The following DLG2 variants were observed in gnomAD, a reference collection of about 807,000 sequenced individuals.
DLG2 encodes the protein disks large homolog 2.
Under a neutral mutation model 132.5 loss-of-function variants are expected in DLG2, and 45 were observed. That is an observed-to-expected ratio of 0.34 (90% CI 0.27 to 0.44). The LOEUF (loss-of-function observed/expected upper bound fraction) is 0.44. DLG2 is among the 20% of genes least tolerant of loss of function. The pLI is 1.00. For synonymous variants in DLG2, 424 were observed against 419.6 expected (o/e 1.01, Z -0.13); for missense variants, 1,045 against 1,196.9 (o/e 0.87, Z 1.87).
intron 14 of DLG2, among the ~76,000 whole-genome samples, chr11:83,951,907 A>G (rs1403781285): frequency 6.6e-6 from 1 of 152,198 alleles, no homozygotes; most frequent in Non-Finnish European, 1.5e-5. Flanking sequence ...GGAATGTGGC[A>G]CATTGTGGAT....
chr11:84,722,693 T>A (rs772046119), intron 6 of DLG2, among the ~76,000 whole-genome samples: 1 of 152,158 alleles, frequency 6.6e-6, no homozygotes, highest in Non-Finnish European at 1.5e-5. Flanking sequence ...AAGACTTATC[T>A]GAAGGAAACT....
intron 18 of DLG2, among the ~76,000 whole-genome samples, chr11:83,777,403 C>T (rs962694044): frequency 1.3e-5 from 2 of 152,114 alleles, no homozygotes; most frequent in Non-Finnish European, 1.5e-5. Context: ...GGGTTTCCAC[C>T]CTAAAGCTGC....
At chr11:84,073,935 C>T (rs1175267753) in intron 10 of DLG2, among the ~76,000 whole-genome samples, 1 of 152,092 alleles carries the variant, frequency 6.6e-6, no homozygotes, top group Non-Finnish European at 1.5e-5. Flanking sequence ...CATATAATTT[C>T]ATTGTATGTA....
At chr11:85,556,873 A>T (rs943020928) in intron 3 of DLG2, among the ~76,000 whole-genome samples, 1 of 151,886 alleles carries the variant, frequency 6.6e-6, no homozygotes, top group Non-Finnish European at 1.5e-5. Flanking sequence ...AGATGAAAAA[A>T]ATATATGTCA....
chr11:85,227,286 T>C (rs2075033813), intron 4 of DLG2, among the ~76,000 whole-genome samples: 1 of 152,076 alleles, frequency 6.6e-6, no homozygotes, highest in Admixed American at 6.6e-5. Flanking sequence ...ATTACCAGTT[T>C]GTAATCTAAA....
At chr11:84,912,501 C>A (rs1261126948) in intron 6 of DLG2, among the ~76,000 whole-genome samples, 1 of 152,224 alleles carries the variant, frequency 6.6e-6, no homozygotes, top group Non-Finnish European at 1.5e-5. Flanking sequence ...TTGCATATAT[C>A]TGGGGCTTTT....
intron 6 of DLG2, among the ~76,000 whole-genome samples, chr11:84,704,946 A>G (rs144518636): frequency 1.3e-5 from 2 of 149,296 alleles, no homozygotes; most frequent in Non-Finnish European, 3.0e-5. Flanking sequence ...TTATATATAT[A>G]TTTTAAATTT....
chr11:83,825,171 ATTTTTTTTTTTTTTTTT>A (rs10566177), intron 17 of DLG2, among the ~76,000 whole-genome samples: 1 of 72,598 alleles, frequency 1.4e-5, no homozygotes, highest in Admixed American at 2.0e-4. Flanking sequence ...ATATATATAT[ATTTTTTTTTTTTTTTTT>A]TTTTTTTTTT....
At chr11:85,549,939 A>G (rs1030305534) in intron 3 of DLG2, among the ~76,000 whole-genome samples, 1 of 152,234 alleles carries the variant, frequency 6.6e-6, no homozygotes, top group Non-Finnish European at 1.5e-5. Flanking sequence ...TTTCCTAGAA[A>G]ACTCATGAAT....
At chr11:85,050,915 T>G (rs918281566) in intron 6 of DLG2, among the ~76,000 whole-genome samples, 1 of 152,050 alleles carries the variant, frequency 6.6e-6, no homozygotes, top group Non-Finnish European at 1.5e-5. Flanking sequence ...GCTTAATAGA[T>G]TTCCCTTTTT....
chr11:84,235,438 A>G (rs1169468623), intron 8 of DLG2, among the ~76,000 whole-genome samples: 1 of 152,128 alleles, frequency 6.6e-6, no homozygotes, highest in Non-Finnish European at 1.5e-5. Flanking sequence ...CAGCACTTTG[A>G]GAGCCTAAGG....
intron 9 of DLG2, among the ~76,000 whole-genome samples, chr11:84,150,983 T>C (rs1428347534): frequency 1.3e-5 from 2 of 152,204 alleles, no homozygotes; most frequent in East Asian, 3.9e-4. Flanking sequence ...AATTACCTTT[T>C]GGATGTGCTG....
intron 7 of DLG2, among the ~76,000 whole-genome samples, chr11:84,267,268 T>A (rs1373367707): frequency 6.6e-6 from 1 of 152,214 alleles, no homozygotes; most frequent in Non-Finnish European, 1.5e-5. Flanking sequence ...TCCCTACTCT[T>A]ATTTTTCCTC....
At chr11:84,663,753 A>T (rs1019411573) in intron 6 of DLG2, among the ~76,000 whole-genome samples, 1 of 152,168 alleles carries the variant, frequency 6.6e-6, no homozygotes, top group African/African-American at 2.4e-5. Context: ...GGCCCCTTAT[A>T]TCTGGACCCT....
intron 7 of DLG2, among the ~76,000 whole-genome samples, chr11:84,355,526 T>C (rs1472047666): frequency 1.3e-5 from 2 of 152,080 alleles, no homozygotes; most frequent in African/African-American, 2.4e-5. Flanking sequence ...CCAAATCAGC[T>C]GGTAGCTTGA....
intron 19 of DLG2, among the ~76,000 whole-genome samples, chr11:83,624,396 T>C (rs908007368): frequency 2.6e-5 from 4 of 152,238 alleles, no homozygotes; most frequent in African/African-American, 7.2e-5. Flanking sequence ...GACTCCTCCT[T>C]CTTTCTATTT....
intron 3 of DLG2, among the ~76,000 whole-genome samples, chr11:85,526,537 T>C (rs747567956): frequency 1.3e-5 from 2 of 152,142 alleles, no homozygotes; most frequent in Non-Finnish European, 2.9e-5. Flanking sequence ...AATAAAGTCA[T>C]TCAGAAAGAA....
chr11:83,715,646 A>G (rs555543942), intron 18 of DLG2, among the ~76,000 whole-genome samples: 1 of 152,206 alleles, frequency 6.6e-6, no homozygotes, highest in African/African-American at 2.4e-5. Flanking sequence ...TGGTTTTACT[A>G]CCTTCAGACT....
chr11:84,491,549 G>A (rs1392870325), intron 7 of DLG2, among the ~76,000 whole-genome samples: 1 of 152,148 alleles, frequency 6.6e-6, no homozygotes, highest in African/African-American at 2.4e-5. Context: ...GGACAGAGAA[G>A]GAAGATAATT....
Sources: gnomAD v4.1 joint callset for allele counts (sites outside exome capture counted in the v4.1 genomes callset) on GRCh38, gnomAD v4.1.1 for gene constraint, MANE v1.5 for transcripts, NCBI Gene and HGNC (gene_info 2026-07-23, HGNC 2026-07-21) for gene names.